Variants in ROBO2 observed in about 807,000 individuals in gnomAD.
The protein encoded by ROBO2 is roundabout homolog 2.
ROBO2 carries 53 observed loss-of-function variants against 160.8 expected under a neutral mutation model. The observed-to-expected ratio is 0.33, with a 90% CI of 0.26 to 0.41. ROBO2 has a LOEUF of 0.41. Among genes scored for constraint, ROBO2 ranks in the 10% least tolerant of loss-of-function variants. The probability of loss-of-function intolerance (pLI) is 1.00; values close to 1 mark genes in which losing one functional copy is unlikely to be tolerated. For synonymous variants in ROBO2, 664 were observed against 611.7 expected, an observed-to-expected ratio of 1.09 and a Z score of -1.26; for missense variants, 1,577 against 1,722.4, an observed-to-expected ratio of 0.92 and a Z score of 1.49.
chr3:76,376,967 C>G (rs2076378862), intron 2 of ROBO2, among the ~76,000 whole-genome samples: 1 of 152,114 alleles, frequency 6.6e-6, no homozygotes, highest in African/African-American at 2.4e-5. Flanking sequence ...AAGGTCAAAA[C>G]TTTTTCTGTT....
chr3:77,416,924 A>G (rs1160229225), intron 2 of ROBO2, among the ~76,000 whole-genome samples: 2 of 152,120 alleles, frequency 1.3e-5, no homozygotes, highest in Non-Finnish European at 2.9e-5. Flanking sequence ...GTCAAGATGT[A>G]GATTGCCGAG....
intron 2 of ROBO2, among the ~76,000 whole-genome samples, chr3:76,112,096 A>T (rs2070257749): frequency 1.3e-5 from 2 of 152,082 alleles, no homozygotes; most frequent in South Asian, 4.1e-4. Flanking sequence ...CCGTAACTGA[A>T]TTATTTCTAG....
chr3:77,543,401 T>A (rs1013818085), intron 6 of ROBO2, among the ~76,000 whole-genome samples: 4 of 152,214 alleles, frequency 2.6e-5, no homozygotes, highest in Non-Finnish European at 5.9e-5. Context: ...AATAAATGGA[T>A]GAATTATGTC....
chr3:76,992,106 A>G (rs2060698581), intron 2 of ROBO2, among the ~76,000 whole-genome samples: 1 of 152,020 alleles, frequency 6.6e-6, no homozygotes, highest in South Asian at 2.1e-4. Context: ...ACTATCCTGT[A>G]GTATAAGCAT....
intron 2 of ROBO2, among the ~76,000 whole-genome samples, chr3:76,934,959 A>T (rs74572344): frequency 0.44 from 65,169 of 146,470 alleles, 14,637 homozygotes; most frequent in African/African-American, 0.53. Flanking sequence ...GGCTTCACAA[A>T]TTTTTTTTTT....
chr3:76,642,425 T>G (rs1324727569), intron 2 of ROBO2, among the ~76,000 whole-genome samples: 1 of 144,004 alleles, frequency 6.9e-6, no homozygotes, highest in Non-Finnish European at 1.5e-5. Context: ...TGATCTCAAT[T>G]CACTGCAAAT....
At chr3:76,871,502 C>T (rs1198160080) in intron 2 of ROBO2, among the ~76,000 whole-genome samples, 3 of 145,908 alleles carry the variant, frequency 2.1e-5, no homozygotes, top group Non-Finnish European at 4.5e-5. Flanking sequence ...TGCAGTGAGC[C>T]GAGATCCCGC....
intron 2 of ROBO2, among the ~76,000 whole-genome samples, chr3:76,672,755 T>C (rs2092303249): frequency 6.6e-6 from 1 of 152,200 alleles, no homozygotes; most frequent in Non-Finnish European, 1.5e-5. Context: ...AAGCAGGTTA[T>C]GCTAATTTCT....
intron 2 of ROBO2, among the ~76,000 whole-genome samples, chr3:76,020,042 G>A (rs890726030): frequency 6.6e-6 from 1 of 151,894 alleles, no homozygotes; most frequent in Non-Finnish European, 1.5e-5. Context: ...TGGTAGGATG[G>A]GTTTGTTGAT....
intron 2 of ROBO2, among the ~76,000 whole-genome samples, chr3:77,433,486 G>GTATA (rs57475227): frequency 0.04 from 3,954 of 99,132 alleles, 205 homozygotes; most frequent in Admixed American, 0.1. Flanking sequence ...CTGGCAACTT[G>GTATA]TATATATATA....
chr3:76,916,137 A>G (rs1449798144), intron 2 of ROBO2, among the ~76,000 whole-genome samples: 1 of 152,184 alleles, frequency 6.6e-6, no homozygotes, highest in East Asian at 1.9e-4. Context: ...ATTAAGTTAT[A>G]AAATGTTGCA....
intron 2 of ROBO2, among the ~76,000 whole-genome samples, chr3:76,419,973 G>C (rs1193277871): frequency 6.6e-6 from 1 of 151,982 alleles, no homozygotes; most frequent in African/African-American, 2.4e-5. Context: ...CTTTTCTCTA[G>C]GGTTTTACCT....
chr3:77,429,865 T>C (rs1194718160), intron 2 of ROBO2, among the ~76,000 whole-genome samples: 2 of 152,034 alleles, frequency 1.3e-5, no homozygotes, highest in African/African-American at 4.8e-5. Flanking sequence ...TACGGTCTCT[T>C]AGCTGCGGTG....
chr3:77,637,164 C>G (rs2095277526), intron 24 of ROBO2, among the ~76,000 whole-genome samples: 2 of 152,168 alleles, frequency 1.3e-5, no homozygotes, highest in South Asian at 4.1e-4. Context: ...AACCCAGTTA[C>G]AGGTAATTTT....
chr3:76,114,358 A>G (rs1188171273), intron 2 of ROBO2, among the ~76,000 whole-genome samples: 1 of 152,158 alleles, frequency 6.6e-6, no homozygotes, highest in Admixed American at 6.6e-5. Context: ...GATTCTATCC[A>G]AGAAAGACTA....
chr3:76,453,335 T>C lies in ROBO2; in HGVS notation c.109+515733T>C, dbSNP rs555972801. Among the ~76,000 whole-genome samples the C allele has an allele frequency of 7.2e-5, 11 of 152,294 alleles. No individual in the cohort carries two copies. In the East Asian group the frequency reaches 7.7e-4, roughly 11 times the overall value. On this transcript the variant is annotated intron_variant, in intron 2 of 26. Transcript: ENST00000487694. ...CTCTAACGTTTAAGTCTTTAATCCA[T>C]CTTGAATTAATTTTTGTATAAGGTG...
rs553332410 is a variant in ROBO2, at chr3:76,954,985, T to C, written c.110-143029T>C. Among the ~76,000 whole-genome samples, 96 of 152,314 alleles carry C rather than the reference T, an allele frequency of 6.3e-4. 1 individual carries two copies. Among genetic ancestry groups the C allele is most frequent in the South Asian group, 3.3e-3 (16 of 4,826 alleles). On this transcript the variant is annotated intron_variant, in intron 2 of 26. Coordinates refer to the ROBO2 transcript ENST00000487694. ...AAATGTTTCCTTTACCTCAAGTTTC[T>C]TAATGGGCAGAAACTTTACCCATTA...
chr3:77,036,213 C>T (rs994449993), upstream of ROBO2, among the ~76,000 whole-genome samples: 1 of 151,838 alleles, frequency 6.6e-6, no homozygotes, highest in Non-Finnish European at 1.5e-5. Flanking sequence ...TAGTATCAAC[C>T]ACATAAGCCT....
In ROBO2 at chr3:76,550,745, GCCAAAC is replaced by G. The variant is rs544168732; in HGVS notation, c.110-547265_110-547260del. On this transcript the variant is annotated intron_variant, in intron 2 of 26. Transcript: ENST00000487694. ...CACTCTGGTGTGGAGCAAAGCTGTGGCCAAACCCAGGTGCTGGCACGACCTGGCTGA... is the reference window on the plus strand; with the variant it reads ...CACTCTGGTGTGGAGCAAAGCTGTGGCCAGGTGCTGGCACGACCTGGCTGA... Among the ~76,000 whole-genome samples the G allele has an allele frequency of 2.7e-3, 413 of 152,350 alleles. 3 individuals carry two copies. Among genetic ancestry groups the G allele is most frequent in the South Asian group, 9.1e-3 (44 of 4,828 alleles).
Sources: allele counts gnomAD v4.1 joint callset (sites outside exome capture counted in the v4.1 genomes callset), GRCh38; gene constraint gnomAD v4.1.1; transcripts MANE v1.5; gene names NCBI Gene and HGNC (gene_info 2026-07-23, HGNC 2026-07-21).